RAD17: variants seen among roughly 807,000 people sequenced by gnomAD.
The protein encoded by RAD17 is cell cycle checkpoint protein RAD17.
A neutral mutation model predicts 81.5 loss-of-function variants in RAD17; 31 were observed. The observed-to-expected ratio is 0.38, with a 90% CI of 0.29 to 0.51. The LOEUF is 0.51. Ranked by LOEUF, RAD17 falls within the 20% of genes least tolerant of loss-of-function variation. The pLI is 0.88. For synonymous variants in RAD17, 261 were observed against 266.2 expected (o/e 0.98, Z 0.19); for missense variants, 681 against 781.2 (o/e 0.87, Z 1.53).
intron 6 of RAD17, among the ~76,000 whole-genome samples, chr5:69,376,663 C>G (rs375732090): frequency 1.1e-4 from 17 of 152,272 alleles, no homozygotes; most frequent in East Asian, 7.7e-4. Context: ...TCACTAACAC[C>G]CAGAGTCCAT....
At position 69,410,477 on chromosome 5, in the gene RAD17, A is replaced by G. The variant is rs755256036; in HGVS notation, c.1694-16A>G. On this transcript the variant is annotated splice_polypyrimidine_tract_variant and intron_variant, in intron 17 of 18. Transcript: ENST00000354868. ...CTTTGGAAAATTGTTTACAACTTTT[A>G]AAAAATCTGTTTCAGCTCAGATTTC... 37 of 1,605,892 alleles carry G rather than the reference A, an allele frequency of 2.3e-5. No individual in the cohort carries two copies. The highest frequency in any genetic ancestry group is 1.3e-5 in the African/African-American group (1 of 74,636).
At position 69,369,925 on chromosome 5, in the gene RAD17, T is replaced by C. The variant is rs183631076; in HGVS notation, c.-425T>C. 8 of 563,896 alleles carry C rather than the reference T, an allele frequency of 1.4e-5. No homozygotes were observed. In the East Asian group the frequency reaches 1.5e-4, roughly 11 times the overall value. The allele number at this position is 563,896 out of a possible 1,614,324, so 34.9% of individuals were successfully genotyped here. A position where few individuals can be genotyped will look rare whatever the true frequency, so the allele number is the denominator to read the frequency against. ...CTCTTCGCCTAAAAGGGGATGCAGC[T>C]CCGGGAAAGTAAGGCCGCCGCGGTT... is the stretch of plus-strand genomic sequence containing the variant. On this transcript the variant is annotated 5_prime_UTR_variant, in exon 1 of 19. Coordinates refer to ENST00000354868, the MANE Select transcript of RAD17 (RefSeq NM_133338.3).
chr5:69,413,192 G>T (rs766525606), intron 18 of RAD17, among the ~76,000 whole-genome samples: 1 of 151,848 alleles, frequency 6.6e-6, no homozygotes, highest in African/African-American at 2.4e-5. Context: ...TGTAATCCCC[G>T]CACTTTGGGA....
In RAD17 at chr5:69,369,885, C is replaced by G. The variant is rs1017111219; in HGVS notation, c.-465C>G. ...TGGCTGCCCTTTCACCTAGGGTAGTCCCTGGTCGCCTCCGCTCTTCGCCTA... is the reference window on the plus strand; with the variant it reads ...TGGCTGCCCTTTCACCTAGGGTAGTGCCTGGTCGCCTCCGCTCTTCGCCTA... On this transcript the variant is annotated 5_prime_UTR_variant, in exon 1 of 19. Coordinates refer to ENST00000354868, the MANE Select transcript of RAD17 (RefSeq NM_133338.3). 3.3e-6 allele frequency: 2 copies of G among 608,420 alleles called. No individual in the cohort carries two copies. The highest frequency in any genetic ancestry group is 2.9e-5 in the East Asian group (1 of 34,078). The allele number at this position is 608,420 out of a possible 1,614,324, so 37.7% of individuals were successfully genotyped here.
chr5:69,371,519 T>C lies in RAD17; in HGVS notation c.-214T>C. On this transcript the variant is annotated 5_prime_UTR_variant, in exon 3 of 19. Coordinates refer to ENST00000354868, the MANE Select transcript of RAD17 (RefSeq NM_133338.3). ...ATGGGAACTATTACAGTTTATAATG[T>C]CAAAAACTTTTCTTAGACCAAAGGT... 1 of 1,437,372 alleles carries C rather than the reference T, an allele frequency of 7.0e-7. No homozygotes were observed. The highest frequency in any genetic ancestry group is 9.3e-7 in the Non-Finnish European group (1 of 1,076,878). The allele number at this position is 1,437,372 out of a possible 1,614,324, so 89.0% of individuals were successfully genotyped here.
chr5:69,379,333 A>G (rs990123485), intron 6 of RAD17, among the ~76,000 whole-genome samples: 3 of 152,182 alleles, frequency 2.0e-5, no homozygotes, highest in Non-Finnish European at 2.9e-5. Context: ...TGGAGCTTGG[A>G]CTGGAAAATG....
At chr5:69,374,255 A>G (rs1428268410) in intron 5 of RAD17, among the ~76,000 whole-genome samples, 168 bp downstream of exon 5, 1 of 152,200 alleles carries the variant, frequency 6.6e-6, no homozygotes, top group South Asian at 2.1e-4. Context: ...ATTTTTCTCA[A>G]TAGTTATTCT....
chr5:69,395,743 T>G (rs1561262229), intron 15 of RAD17, among the ~76,000 whole-genome samples: 1 of 152,240 alleles, frequency 6.6e-6, no homozygotes, highest in Non-Finnish European at 1.5e-5. Context: ...CCTTAACTTT[T>G]GTTTAGCAGT....
intron 11 of RAD17, among the ~76,000 whole-genome samples, chr5:69,388,734 G>A (rs1381713632): frequency 6.6e-6 from 1 of 151,906 alleles, no homozygotes; most frequent in Non-Finnish European, 1.5e-5. Context: ...AGCCTCCCAA[G>A]TAGCAGGGAC....
chr5:69,405,436 G>A (rs1056814025), intron 17 of RAD17, among the ~76,000 whole-genome samples: 8 of 151,340 alleles, frequency 5.3e-5, no homozygotes, highest in Admixed American at 4.6e-4. Context: ...GGAGGCCGAG[G>A]TGGGTGGATC....
rs368791371 is a variant in RAD17, at chr5:69,373,817, CT to C, written c.10-4del. On this transcript the variant is annotated splice_polypyrimidine_tract_variant and intron_variant, in intron 4 of 18. Coordinates refer to ENST00000354868, the MANE Select transcript of RAD17 (RefSeq NM_133338.3). ...AAATGTGATTATATTTACATGATTT[CT>C]TTTTTTTTCAGGTAACAGACTGGGT... 71 of 1,484,974 alleles carry C rather than the reference CT, an allele frequency of 4.8e-5. No individual in the cohort carries two copies. The highest frequency in any genetic ancestry group is 1.9e-4 in the Admixed American group (9 of 47,238). 92.0% of individuals were successfully genotyped at this position (1,484,974 alleles called of 1,614,324 possible).
chr5:69,377,471 A>ATGTATATATATGTATATATGTG (rs1763444724), intron 6 of RAD17, among the ~76,000 whole-genome samples: 3 of 5,700 alleles, frequency 5.3e-4, no homozygotes, highest in Non-Finnish European at 4.0e-3. Flanking sequence ...ATATATATAT[A>ATGTATATATATGTATATATGTG]TATACACACA....
In RAD17 at chr5:69,400,109, T is replaced by C. The variant is rs1217187474; in HGVS notation, c.1633T>C (p.Cys545Arg). 3 of 1,604,836 alleles carry C rather than the reference T, an allele frequency of 1.9e-6. No individual in the cohort carries two copies. In the Admixed American group the frequency reaches 5.0e-5, roughly 27 times the overall value. Residue 545 changes from cysteine to arginine, a missense_variant, in exon 17 of 19, where the codon TGC (cysteine) becomes CGC (arginine). Transcript: ENST00000354868. ...LFPDFCLPAL[C>R]LQTQLLPYLA... ...TCCTGACTTCTGCCTACCAGCTTTA[T>C]GCCTCCAAACTCAGCTATTGCCATA... is the stretch of plus-strand genomic sequence containing the variant.
At chr5:69,399,407 T>C (rs566595739) in intron 16 of RAD17, among the ~76,000 whole-genome samples, 13 of 152,340 alleles carry the variant, frequency 8.5e-5, no homozygotes, top group Admixed American at 6.5e-4. Flanking sequence ...TTGACTTCTG[T>C]AATATCTGAA....
At position 69,387,723 on chromosome 5, in the gene RAD17, G is replaced by A. The variant is rs182471694; in HGVS notation, c.894+1258G>A. 4.4e-3 allele frequency among the ~76,000 whole-genome samples: 670 copies of A among 152,250 alleles called. 8 individuals carry two copies. Among genetic ancestry groups the A allele is most frequent in the African/African-American group, 0.016 (653 of 41,540 alleles). On this transcript the variant is annotated intron_variant, in intron 11 of 18. Transcript: ENST00000354868. ...AATACAAAAATTAGCCGGATGTGGT[G>A]GCGGGTACCTATAATCCCAGCTACT...
intron 7 of RAD17, among the ~76,000 whole-genome samples, chr5:69,384,570 C>T (rs1764059481): frequency 6.6e-6 from 1 of 152,176 alleles, no homozygotes; most frequent in African/African-American, 2.4e-5. Flanking sequence ...CCTGCCTCGG[C>T]CTCCCAAAGT....
rs530512400 is a variant in RAD17, at chr5:69,412,101, C to T, written c.1751+1551C>T. 3.3e-5 allele frequency among the ~76,000 whole-genome samples: 5 copies of T among 152,164 alleles called. 1 individual carries two copies. The South Asian group carries it at 6.2e-4, about 19-fold the overall frequency. On this transcript the variant is annotated intron_variant, in intron 18 of 18. Coordinates refer to ENST00000354868, the MANE Select transcript of RAD17 (RefSeq NM_133338.3). ...CCTGCCGAGTAGCTGGGACTACAGG[C>T]GCCCGCCACCACGCCCAGCTAATTT...
chr5:69,410,548 A>G lies in RAD17; in HGVS notation c.1749A>G (p.Gly583=). The part of the protein sequence containing the change: ...IGRLPLKRHF[G]RLKMEALTDR... The stretch of plus-strand genomic sequence containing the variant: ...GGCTCCCTCTGAAGCGACACTTTGG[A>G]AGGTAAGCTGATCATCTCAATTTCC... Residue 583 remains glycine, a splice_region_variant and synonymous_variant, in exon 18 of 19, where the codon GGA becomes GGG. Coordinates refer to ENST00000354868, the MANE Select transcript of RAD17 (RefSeq NM_133338.3). The G allele has an allele frequency of 2.5e-6, 4 of 1,612,898 alleles. No homozygotes were observed. The highest frequency in any genetic ancestry group is 2.2e-5 in the East Asian group (1 of 44,818).
At chr5:69,377,130 G>A (rs1163069116) in intron 6 of RAD17, among the ~76,000 whole-genome samples, 1 of 151,974 alleles carries the variant, frequency 6.6e-6, no homozygotes, top group African/African-American at 2.4e-5. Context: ...CTAAGATCAT[G>A]AATTCAAGTT....
Sources: allele counts gnomAD v4.1 joint callset (sites outside exome capture counted in the v4.1 genomes callset), GRCh38; gene constraint gnomAD v4.1.1; transcripts MANE v1.5; gene names NCBI Gene and HGNC (gene_info 2026-07-23, HGNC 2026-07-21).